The following BCL2 variants were observed in gnomAD, a reference collection of about 807,000 sequenced individuals.
BCL2 encodes the protein apoptosis regulator Bcl-2.
In BCL2, 1 loss-of-function variant was observed where a neutral mutation model predicts 14.2. The observed-to-expected ratio is 0.07, with a 90% CI of 0.02 to 0.33. The LOEUF (loss-of-function observed/expected upper bound fraction) is 0.33. Ranked by LOEUF, BCL2 falls within the 10% of genes least tolerant of loss-of-function variation. BCL2 has a pLI of 0.99. For missense variants in BCL2, 247 were observed against 305.9 expected, an observed-to-expected ratio of 0.81 and a Z score of 1.44; for synonymous variants, 151 against 137.2, an observed-to-expected ratio of 1.10 and a Z score of -0.70.
chr18:63,164,790 T>C (rs988120169), intron 2 of BCL2, among the ~76,000 whole-genome samples: 1 of 152,218 alleles, frequency 6.6e-6, no homozygotes, highest in Admixed American at 6.5e-5. Context: ...CAGTTAGATT[T>C]AAGGCGTGAA....
chr18:63,280,346 G>C lies in BCL2; in HGVS notation c.585+37736C>G, dbSNP rs548812801. On this transcript the variant is annotated intron_variant, in intron 2 of 2. Transcript: ENST00000333681. Reference sequence around the variant, plus strand: ...TATCTATTTCTCAGGGTTGTAAAATGAATTAAGATCCTATATATAAAGCAC... The same window carrying C: ...TATCTATTTCTCAGGGTTGTAAAATCAATTAAGATCCTATATATAAAGCAC... Among the ~76,000 whole-genome samples the C allele has an allele frequency of 2.6e-5, 4 of 152,272 alleles. No individual in the cohort carries two copies. In the East Asian group the frequency reaches 7.7e-4, roughly 29 times the overall value.
Position 63,123,475 on chromosome 18 carries a change from GACTT to G in BCL2, c.*5146_*5149del, listed in dbSNP as rs1913826839. The G allele has an allele frequency of 4.9e-6, 1 of 204,032 alleles. No homozygotes were observed. The highest frequency in any genetic ancestry group is 2.3e-5 in the African/African-American group (1 of 43,736). 12.6% of individuals were successfully genotyped at this position (204,032 alleles called of 1,614,324 possible). A position where few individuals can be genotyped will look rare whatever the true frequency, so the allele number is the denominator to read the frequency against. On this transcript the variant is annotated 3_prime_UTR_variant, in exon 3 of 3. Coordinates refer to ENST00000333681, the MANE Select transcript of BCL2 (RefSeq NM_000633.3). ...TTATAGCTAATGGTGGCCAACTGGA[GACTT>G]ACTTTACCTTAACCATGTAAAGTAT...
rs868309849 is a variant in BCL2 at position 63,202,442 on chromosome 18, G to A, written c.586-73683C>T. On this transcript the variant is annotated intron_variant, in intron 2 of 2. Transcript: ENST00000333681. ...ACAACTGAGGCCACTTACCTAACCT[G>A]TCTGTACCTCTGTTAACTCATTCCT... Among the ~76,000 whole-genome samples the A allele has an allele frequency of 2.0e-5, 3 of 152,168 alleles. No homozygotes were observed. In the South Asian group the frequency reaches 6.2e-4, roughly 32 times the overall value.
At chr18:63,214,150 G>A (rs1910132399) in intron 2 of BCL2, among the ~76,000 whole-genome samples, 1 of 152,206 alleles carries the variant, frequency 6.6e-6, no homozygotes, top group Non-Finnish European at 1.5e-5. Context: ...AAATGGAAGG[G>A]AGAGGGGCAG....
intron 2 of BCL2, among the ~76,000 whole-genome samples, chr18:63,212,138 C>T (rs529646506): frequency 3.2e-4 from 49 of 151,624 alleles, no homozygotes; most frequent in Middle Eastern, 3.4e-3. Flanking sequence ...CCATCCTGGC[C>T]AACATGGTGA....
At chr18:63,128,879 GA>G (rs1193385837) in intron 2 of BCL2, 120 bp from the exon 3 acceptor site, 2 of 601,676 alleles carry the variant, frequency 3.3e-6, no homozygotes, top group African/African-American at 1.9e-5. Context: ...AGAAGGGTGA[GA>G]GGGGAAAAGG....
At position 63,228,120 on chromosome 18, in the gene BCL2, A is replaced by C. The variant is rs76174566; in HGVS notation, c.585+89962T>G. Among the ~76,000 whole-genome samples, 502 of 152,336 alleles carry C rather than the reference A, an allele frequency of 3.3e-3. 2 individuals are homozygous for C. The highest frequency in any genetic ancestry group is 0.012 in the African/African-American group (478 of 41,564). On this transcript the variant is annotated intron_variant, in intron 2 of 2. Transcript: ENST00000333681. ...AAAATCTCTTCCTTCTTTTTCTTAA[A>C]AGATCACTAATGCCATTGTGAGGGC...
At chr18:63,226,957 A>G (rs1277310671) in intron 2 of BCL2, among the ~76,000 whole-genome samples, 1 of 152,190 alleles carries the variant, frequency 6.6e-6, no homozygotes, top group Non-Finnish European at 1.5e-5. Context: ...TTCAGAGACT[A>G]GGACAAAATT....
chr18:63,232,032 T>C (rs765783023), intron 2 of BCL2, among the ~76,000 whole-genome samples: 3 of 151,934 alleles, frequency 2.0e-5, no homozygotes, highest in Admixed American at 6.6e-5. Context: ...GGGAATTTGG[T>C]ATGTGACAGA....
chr18:63,273,107 T>C (rs576774658), intron 2 of BCL2, among the ~76,000 whole-genome samples: 1 of 152,326 alleles, frequency 6.6e-6, no homozygotes, highest in East Asian at 1.9e-4. Flanking sequence ...GTCCATTTTC[T>C]ATGAAACAAG....
intron 2 of BCL2, among the ~76,000 whole-genome samples, chr18:63,171,505 A>G (rs2093193734): frequency 6.6e-6 from 1 of 152,254 alleles, no homozygotes; most frequent in Non-Finnish European, 1.5e-5. Flanking sequence ...AAGCACTTAT[A>G]ATCATGAAAT....
At chr18:63,255,058 C>T (rs529177438) in intron 2 of BCL2, among the ~76,000 whole-genome samples, 1 of 152,234 alleles carries the variant, frequency 6.6e-6, no homozygotes, top group African/African-American at 2.4e-5. Context: ...AGTTTGATTC[C>T]GATGAAGGGC....
In BCL2 at chr18:63,123,823, C is replaced by T. The variant is rs1599193683; in HGVS notation, c.*4802G>A. On this transcript the variant is annotated 3_prime_UTR_variant, in exon 3 of 3. Coordinates refer to ENST00000333681, the MANE Select transcript of BCL2 (RefSeq NM_000633.3). The stretch of plus-strand genomic sequence containing the variant: ...GGAGGGAAAAACTTAATGAAATGAG[C>T]TATCTGGAGGGCCCACGGCAGATTT... The T allele has an allele frequency of 1.4e-5, 3 of 218,062 alleles. No homozygotes were observed. The South Asian group carries it at 5.6e-4, about 41-fold the overall frequency. 13.5% of individuals were successfully genotyped at this position (218,062 alleles called of 1,614,324 possible). A position where few individuals can be genotyped will look rare whatever the true frequency, so the allele number is the denominator to read the frequency against.
At chr18:63,316,361 T>C (rs1297475852) in intron 2 of BCL2, 1 of 152,222 alleles carries the variant, frequency 6.6e-6, no homozygotes, top group Non-Finnish European at 1.5e-5. Flanking sequence ...AAATGTGAAA[T>C]AGTAAAACTA....
At chr18:63,316,005 T>A (rs1318861987) in intron 2 of BCL2, 1 of 152,648 alleles carries the variant, frequency 6.6e-6, no homozygotes, top group African/African-American at 2.4e-5. Flanking sequence ...TGTCAAAAAA[T>A]TTTTATCATG....
intron 2 of BCL2, among the ~76,000 whole-genome samples, chr18:63,298,809 G>A (rs1386827576): frequency 6.6e-6 from 1 of 152,126 alleles, no homozygotes; most frequent in African/African-American, 2.4e-5. Context: ...ATGTCTACGT[G>A]AGATAAATGG....
intron 2 of BCL2, among the ~76,000 whole-genome samples, chr18:63,310,480 T>C (rs1366814098): frequency 6.6e-6 from 1 of 152,212 alleles, no homozygotes; most frequent in African/African-American, 2.4e-5. Context: ...GATACCACTG[T>C]AGCTGGGTTG....
At chr18:63,254,383 T>TAAAAA (rs71162613) in intron 2 of BCL2, among the ~76,000 whole-genome samples, 1,361 of 38,402 alleles carry the variant, frequency 0.035, 360 homozygotes, top group African/African-American at 0.076. Context: ...CTGTCTTTGC[T>TAAAAA]AAAAAAAAAA....
At chr18:63,300,973 C>T (rs974117530) in intron 2 of BCL2, among the ~76,000 whole-genome samples, 1 of 152,048 alleles carries the variant, frequency 6.6e-6, no homozygotes, top group Non-Finnish European at 1.5e-5. Flanking sequence ...GAAATGACAA[C>T]CAATTTTTTG....
Sources: gnomAD v4.1 joint callset for allele counts (sites outside exome capture counted in the v4.1 genomes callset) on GRCh38, gnomAD v4.1.1 for gene constraint, MANE v1.5 for transcripts, NCBI Gene and HGNC (gene_info 2026-07-23, HGNC 2026-07-21) for gene names.